The following MCC variants were observed in gnomAD, a reference collection of about 807,000 sequenced individuals.
The protein encoded by MCC is MCC regulator of Wnt signaling pathway, also known as colorectal mutant cancer protein.
MCC carries 90 observed loss-of-function variants against 116.2 expected under a neutral mutation model. The observed-to-expected ratio is 0.77, with a 90% confidence interval of 0.65 to 0.92. The LOEUF (loss-of-function observed/expected upper bound fraction) is 0.92, where lower values mean the gene tolerates loss of function less well. MCC is among the 40% of genes least tolerant of loss of function. MCC has a pLI of 0.00. For synonymous variants in MCC, 578 were observed against 510.5 expected (o/e 1.13, Z -1.78); for missense variants, 1,516 against 1,312.2 (o/e 1.16, Z -2.40).
chr5:113,098,164 T>C (rs1033423551), intron 8 of MCC, among the ~76,000 whole-genome samples: 3 of 152,176 alleles, frequency 2.0e-5, no homozygotes, highest in South Asian at 4.1e-4. Context: ...GCCAAACACA[T>C]TGGGGAAAGC....
intron 1 of MCC, among the ~76,000 whole-genome samples, chr5:113,472,940 A>G (rs451425): frequency 0.69 from 104,768 of 151,996 alleles, 36,534 homozygotes; most frequent in East Asian, 0.88. Flanking sequence ...CATTCATTCA[A>G]TGTTGCTTTA....
intron 2 of MCC, among the ~76,000 whole-genome samples, chr5:113,369,969 A>G (rs1338010985): frequency 2.0e-5 from 3 of 152,242 alleles, no homozygotes; most frequent in African/African-American, 7.2e-5. Flanking sequence ...TGAATGACTG[A>G]TAAGACTAAA....
intron 17 of MCC, among the ~76,000 whole-genome samples, chr5:113,032,810 C>T (rs1751049528): frequency 6.6e-6 from 1 of 152,190 alleles, no homozygotes; most frequent in East Asian, 1.9e-4. Context: ...CCAGCCAAAA[C>T]AGCAAACCCA....
chr5:113,318,617 G>A (rs1447586857), intron 3 of MCC, among the ~76,000 whole-genome samples: 1 of 152,106 alleles, frequency 6.6e-6, no homozygotes, highest in Non-Finnish European at 1.5e-5. Context: ...ACTTATAAGT[G>A]GGAGCTAAGT....
chr5:113,059,721 C>G (rs913263902), intron 14 of MCC, among the ~76,000 whole-genome samples: 5 of 152,204 alleles, frequency 3.3e-5, no homozygotes, highest in Admixed American at 3.3e-4. Context: ...TGCTGGAGCT[C>G]CCGTCACGCT....
chr5:113,084,720 C>T (rs1466067808), intron 9 of MCC, among the ~76,000 whole-genome samples: 1 of 152,226 alleles, frequency 6.6e-6, no homozygotes, highest in Non-Finnish European at 1.5e-5. Flanking sequence ...CTACTTCTCA[C>T]AGCTGCCACA....
chr5:113,270,322 A>G (rs944467325), intron 3 of MCC, among the ~76,000 whole-genome samples: 1 of 152,108 alleles, frequency 6.6e-6, no homozygotes. Flanking sequence ...TATATTCACT[A>G]AAGCGTGCAA....
intron 7 of MCC, among the ~76,000 whole-genome samples, chr5:113,103,969 C>G (rs545892587): frequency 3.3e-5 from 5 of 152,282 alleles, no homozygotes; most frequent in South Asian, 2.1e-4. Context: ...TACCGCAAAG[C>G]CAGTGAACCT....
intron 15 of MCC, among the ~76,000 whole-genome samples, chr5:113,049,736 A>T (rs957481698): frequency 3.3e-5 from 5 of 152,138 alleles, no homozygotes; most frequent in Non-Finnish European, 7.4e-5. Flanking sequence ...TCCAATTCCC[A>T]TTTTGGTTTC....
chr5:113,124,939 G>A (rs1286848904), intron 5 of MCC, among the ~76,000 whole-genome samples: 1 of 152,228 alleles, frequency 6.6e-6, no homozygotes, highest in Non-Finnish European at 1.5e-5. Flanking sequence ...GACCTCCTGG[G>A]TGGAGCAGCG....
intron 5 of MCC, among the ~76,000 whole-genome samples, chr5:113,132,021 A>G (rs951921679): frequency 3.3e-5 from 5 of 152,318 alleles, no homozygotes; most frequent in Admixed American, 2.6e-4. Flanking sequence ...TTCAATTTAA[A>G]TAGGTTCAAC....
chr5:113,406,341 T>C (rs1769833326), intron 1 of MCC, among the ~76,000 whole-genome samples: 1 of 152,244 alleles, frequency 6.6e-6, no homozygotes, highest in Non-Finnish European at 1.5e-5. Flanking sequence ...TCTCTGATTT[T>C]AATAAAAAAT....
At chr5:113,088,390 T>A (rs146456167) in intron 8 of MCC, among the ~76,000 whole-genome samples, 2 of 151,540 alleles carry the variant, frequency 1.3e-5, no homozygotes, top group Non-Finnish European at 2.9e-5. Flanking sequence ...TTCTCACCCA[T>A]TGTAGTGGGT....
intron 1 of MCC, among the ~76,000 whole-genome samples, chr5:113,474,170 C>T (rs569293277): frequency 6.6e-6 from 1 of 152,260 alleles, no homozygotes; most frequent in Admixed American, 6.5e-5. Context: ...GAGTTGGGCA[C>T]TGAGGTTACA....
At chr5:113,367,650 GAA>G (rs1296365410) in intron 2 of MCC, among the ~76,000 whole-genome samples, 1 of 144,732 alleles carries the variant, frequency 6.9e-6, no homozygotes, top group Non-Finnish European at 1.5e-5. Flanking sequence ...AAGAGAGAGA[GAA>G]AGAGAGAGAG....
chr5:113,459,802 G>A (rs1175442107), intron 1 of MCC, among the ~76,000 whole-genome samples: 1 of 142,450 alleles, frequency 7.0e-6, no homozygotes, highest in East Asian at 2.0e-4. Context: ...CTTGCAAAAA[G>A]GAGTCCTAGA....
rs557607561 is a variant in MCC at position 113,219,777 on chromosome 5, G to C, written c.628-68355C>G. Among the ~76,000 whole-genome samples, 147 of 152,190 alleles carry C rather than the reference G, an allele frequency of 9.7e-4. 1 individual carries two copies. Among genetic ancestry groups the C allele is most frequent in the African/African-American group, 3.5e-3 (144 of 41,540 alleles). ...CAACCACAGTGGACAAGGTTTAGAGGAGTGCTATAAAGAGAATATTGATTC... is the reference window on the plus strand; with the variant it reads ...CAACCACAGTGGACAAGGTTTAGAGCAGTGCTATAAAGAGAATATTGATTC... On this transcript the variant is annotated intron_variant, in intron 3 of 18. Transcript: ENST00000408903.
At chr5:113,368,152 C>A (rs937440889) in intron 2 of MCC, among the ~76,000 whole-genome samples, 3 of 152,200 alleles carry the variant, frequency 2.0e-5, no homozygotes, top group Non-Finnish European at 1.5e-5. Flanking sequence ...TTTTTCTTCA[C>A]AATTTTGCGT....
chr5:113,118,932 C>A (rs1360881614), intron 6 of MCC, among the ~76,000 whole-genome samples: 1 of 152,154 alleles, frequency 6.6e-6, no homozygotes, highest in African/African-American at 2.4e-5. Context: ...TGGGCTCCGA[C>A]CCCACTCAGT....
Sources: gnomAD v4.1 joint callset for allele counts (sites outside exome capture counted in the v4.1 genomes callset) on GRCh38, gnomAD v4.1.1 for gene constraint, MANE v1.5 for transcripts, NCBI Gene and HGNC (gene_info 2026-07-23, HGNC 2026-07-21) for gene names.